The following PPP2R2C variants were observed in gnomAD, a reference collection of about 807,000 sequenced individuals.
The protein encoded by PPP2R2C is protein phosphatase 2, regulatory subunit B, gamma.
Under a neutral mutation model 45.3 loss-of-function variants are expected in PPP2R2C, and 10 were observed. The observed-to-expected ratio is 0.22, with a 90% CI of 0.14 to 0.37. The LOEUF is 0.37. Ranked by LOEUF, PPP2R2C falls within the 10% of genes least tolerant of loss-of-function variation. The probability of loss-of-function intolerance (pLI) is 1.00; values close to 1 mark genes in which losing one functional copy is unlikely to be tolerated. For synonymous variants in PPP2R2C, 257 were observed against 245.4 expected, an observed-to-expected ratio of 1.05 and a Z score of -0.44; for missense variants, 308 against 619.7, an observed-to-expected ratio of 0.50 and a Z score of 5.34.
chr4:6,508,771 C>T (rs938522304), intron 2 of PPP2R2C, among the ~76,000 whole-genome samples: 1 of 152,128 alleles, frequency 6.6e-6, no homozygotes, highest in Non-Finnish European at 1.5e-5. Flanking sequence ...ACTCAATGAG[C>T]ACACGCACAA....
At chr4:6,454,087 C>T (rs1408334875) in intron 1 of PPP2R2C, among the ~76,000 whole-genome samples, 1 of 152,180 alleles carries the variant, frequency 6.6e-6, no homozygotes, top group Non-Finnish European at 1.5e-5. Flanking sequence ...GAGAGGGACC[C>T]GTTCTTCCTG....
At chr4:6,430,904 G>A (rs11940918) in intron 1 of PPP2R2C, among the ~76,000 whole-genome samples, 6,964 of 151,010 alleles carry the variant, frequency 0.046, 516 homozygotes, top group African/African-American at 0.16. Flanking sequence ...CAGCCTGGGC[G>A]ACAGAGCAAG....
intron 2 of PPP2R2C, among the ~76,000 whole-genome samples, chr4:6,511,389 GGTGA>G (rs1723461328): frequency 6.7e-6 from 1 of 149,270 alleles, no homozygotes; most frequent in Non-Finnish European, 1.5e-5. Context: ...TGGTGGTGAT[GGTGA>G]TGGTGGTGAT....
intron 2 of PPP2R2C, among the ~76,000 whole-genome samples, chr4:6,510,536 C>T (rs1385473095): frequency 6.6e-6 from 1 of 152,162 alleles, no homozygotes; most frequent in East Asian, 1.9e-4. Context: ...GTGTCCCTGC[C>T]CCGCCCCACA....
chr4:6,497,460 T>C (rs1027556478), intron 2 of PPP2R2C, among the ~76,000 whole-genome samples: 4 of 152,022 alleles, frequency 2.6e-5, no homozygotes, highest in Non-Finnish European at 5.9e-5. Flanking sequence ...GGAGATTGTT[T>C]TCCTTTTGGA....
At chr4:6,546,573 A>C (rs926347285) in intron 1 of PPP2R2C, among the ~76,000 whole-genome samples, 2 of 152,106 alleles carry the variant, frequency 1.3e-5, no homozygotes, top group African/African-American at 4.8e-5. Flanking sequence ...TCAGGCCTGC[A>C]CCCTTCACTA....
rs1420341197 is a variant in PPP2R2C, at chr4:6,364,841, G to A, written c.625+7682C>T. On this transcript the variant is annotated intron_variant, in intron 5 of 8. Coordinates refer to ENST00000382599, the MANE Select transcript of PPP2R2C (RefSeq NM_020416.4). This position sits in a 1 kb window ranked among gnomAD's most constrained non-coding sequence, Gnocchi z 5.3. ...GAGACAGTGGCCTAAACACATGCTG[G>A]GGGCAGACAGGCAGGTGGGCTCTGG... Among the ~76,000 whole-genome samples the A allele has an allele frequency of 1.3e-5, 2 of 152,108 alleles. No homozygotes were observed. The highest frequency in any genetic ancestry group is 4.8e-5 in the African/African-American group (2 of 41,424).
At chr4:6,476,543 C>T (rs56046627), upstream of PPP2R2C, among the ~76,000 whole-genome samples, 17,938 of 152,242 alleles carry the variant, frequency 0.12, 1,235 homozygotes, top group Non-Finnish European at 0.16. Flanking sequence ...TCATCAGACA[C>T]AGGATCTGCC....
chr4:6,480,784 A>G (rs986728369), intron 2 of PPP2R2C, among the ~76,000 whole-genome samples: 2 of 152,196 alleles, frequency 1.3e-5, no homozygotes, highest in Non-Finnish European at 2.9e-5. Context: ...TAGAGAAGCA[A>G]TTTACACTCC....
At chr4:6,517,370 C>T (rs1723857521) in intron 2 of PPP2R2C, among the ~76,000 whole-genome samples, 1 of 152,194 alleles carries the variant, frequency 6.6e-6, no homozygotes, top group Admixed American at 6.5e-5. Context: ...GCTAGGAGAG[C>T]CCAGGCATGT....
chr4:6,433,857 C>T (rs746970912), intron 1 of PPP2R2C, among the ~76,000 whole-genome samples: 50 of 152,298 alleles, frequency 3.3e-4, no homozygotes, highest in Admixed American at 4.6e-4. Flanking sequence ...AGTCAGGGTT[C>T]GAACTCGAAC....
At chr4:6,460,456 T>C (rs1440641797) in intron 1 of PPP2R2C, among the ~76,000 whole-genome samples, 4 of 152,186 alleles carry the variant, frequency 2.6e-5, no homozygotes, top group African/African-American at 7.2e-5. Flanking sequence ...GTCTCTGTTG[T>C]TTCAACTGCC....
At chr4:6,468,623 C>G (rs1721704046) in intron 1 of PPP2R2C, among the ~76,000 whole-genome samples, 1 of 152,140 alleles carries the variant, frequency 6.6e-6, no homozygotes, top group African/African-American at 2.4e-5. Context: ...CAGGATCTAC[C>G]TGGTCAGCCT....
At chr4:6,326,860 C>T (rs1288147611) in intron 8 of PPP2R2C, among the ~76,000 whole-genome samples, 1 of 152,202 alleles carries the variant, frequency 6.6e-6, no homozygotes, top group Non-Finnish European at 1.5e-5. Context: ...GCAGCAGCGG[C>T]GCTCTGCGGG....
At chr4:6,413,287 A>G (rs1175914913) in intron 1 of PPP2R2C, among the ~76,000 whole-genome samples, 1 of 152,170 alleles carries the variant, frequency 6.6e-6, no homozygotes, top group Non-Finnish European at 1.5e-5. Flanking sequence ...GTACTTACAC[A>G]TATGCATGGA....
Position 6,323,392 on chromosome 4 carries a change from C to A in PPP2R2C, c.1254G>T (p.Thr418=), listed in dbSNP as rs993630469. The change falls in exon 9 of 9, where the codon ACG becomes ACT. Residue 418 remains threonine, a synonymous_variant. Coordinates refer to ENST00000382599, the MANE Select transcript of PPP2R2C (RefSeq NM_020416.4). ...TGATGTTCTCAGCCGGGTGCCAGGC[C>A]GTGTGCAGGATCTTCTTGGTGAAGT... The part of the protein sequence containing the change: ...SLDFTKKILH[T]AWHPAENIIA... 1.2e-6 allele frequency: 2 copies of A among 1,613,938 alleles called. No homozygotes were observed. The highest frequency in any genetic ancestry group is 2.2e-5 in the East Asian group (1 of 44,878).
rs894476217 is a variant in PPP2R2C, at chr4:6,563,068, ACC to A, written c.-59+490_-59+491del. On this transcript the variant is annotated intron_variant, in intron 1 of 9. Coordinates refer to the PPP2R2C transcript ENST00000506140. The surrounding 1 kb of genome is among the most constrained non-coding windows in gnomAD (Gnocchi z 5.8). ...GAGCGCGTAGACGCTGCTGGATGGT[ACC>A]CGCGGCCGGGACTGAACTCCGCCGC... Among the ~76,000 whole-genome samples the A allele has an allele frequency of 5.3e-5, 8 of 151,744 alleles. No individual in the cohort carries two copies. Among genetic ancestry groups the A allele is most frequent in the South Asian group, 2.1e-4 (1 of 4,816 alleles).
At chr4:6,403,777 C>A (rs1408387373) in intron 1 of PPP2R2C, among the ~76,000 whole-genome samples, 1 of 151,600 alleles carries the variant, frequency 6.6e-6, no homozygotes, top group African/African-American at 2.4e-5. Flanking sequence ...GCAGGAGAAT[C>A]GCTTGAACCT....
intron 2 of PPP2R2C, among the ~76,000 whole-genome samples, chr4:6,510,993 ACAAAC>A (rs1268419365): frequency 2.7e-4 from 20 of 74,798 alleles, no homozygotes; most frequent in African/African-American, 7.0e-4. Context: ...AAAAAAACAA[ACAAAC>A]AAAAAAAAAA....
Sources: gnomAD v4.1 joint callset for allele counts (sites outside exome capture counted in the v4.1 genomes callset) on GRCh38, gnomAD v4.1.1 for gene constraint, Gnocchi (gnomAD v3.1) non-coding constraint, MANE v1.5 for transcripts, NCBI Gene and HGNC (gene_info 2026-07-23, HGNC 2026-07-21) for gene names.